RANBP2: variants seen among roughly 807,000 people sequenced by gnomAD.
RANBP2 encodes RAN binding protein 2.
RANBP2 carries 57 observed loss-of-function variants against 303.6 expected under a neutral mutation model. The ratio of observed to expected loss-of-function variants is 0.19; its 90% CI spans 0.15 to 0.23. The LOEUF (loss-of-function observed/expected upper bound fraction) is 0.23. Among genes scored for constraint, RANBP2 ranks in the 10% least tolerant of loss-of-function variants. The pLI, the probability that RANBP2 is intolerant of heterozygous loss-of-function variation, is 1.00. For synonymous variants in RANBP2, 1,167 were observed against 1,301.5 expected (o/e 0.90, Z 2.23); for missense variants, 3,138 against 3,780.8 (o/e 0.83, Z 4.46).
At chr2:109,493,918 C>G in the RANBP2 span, among the ~76,000 whole-genome samples, 2 of 152,222 alleles carry the variant, frequency 1.3e-5, no homozygotes, top group Non-Finnish European at 2.9e-5. Context: ...CCTCCACTTC[C>G]TCCACCTCTC....
the RANBP2 span, among the ~76,000 whole-genome samples, chr2:109,572,653 G>A: frequency 0.2 from 26,050 of 128,886 alleles, 3,015 homozygotes; most frequent in Middle Eastern, 0.42. Flanking sequence ...GTCTCGCTCT[G>A]TCGCCCAGGC....
At chr2:109,416,778 CA>C in the RANBP2 span, among the ~76,000 whole-genome samples, 2 of 151,794 alleles carry the variant, frequency 1.3e-5, no homozygotes, top group African/African-American at 4.8e-5. Flanking sequence ...TGGTATTGTG[CA>C]ACTGTAATCC....
At chr2:109,502,080 C>G in the RANBP2 span, 2 of 187,368 alleles carry the variant, frequency 1.1e-5, no homozygotes, top group African/African-American at 4.6e-5. Context: ...CGCTGGAGAT[C>G]ATCTTTCTGG....
At chr2:108,907,682 GT>G in the RANBP2 span, among the ~76,000 whole-genome samples, 2 of 151,970 alleles carry the variant, frequency 1.3e-5, no homozygotes, top group African/African-American at 4.8e-5. Flanking sequence ...AAACGAAAGG[GT>G]TTTTTTCCCT....
At chr2:109,336,188 A>G in the RANBP2 span, among the ~76,000 whole-genome samples, 2 of 152,216 alleles carry the variant, frequency 1.3e-5, no homozygotes, top group African/African-American at 2.4e-5. Context: ...AAAAATCACC[A>G]CGTGCCTAGA....
At chr2:108,815,548 C>G in the RANBP2 span, among the ~76,000 whole-genome samples, 1 of 142,390 alleles carries the variant, frequency 7.0e-6, no homozygotes, top group Non-Finnish European at 1.5e-5. Flanking sequence ...CTCACTGCAG[C>G]CTCCACCTCC....
the RANBP2 span, among the ~76,000 whole-genome samples, chr2:109,315,619 C>T: frequency 1.8e-4 from 27 of 152,322 alleles, no homozygotes; most frequent in African/African-American, 3.8e-4. Flanking sequence ...TGCACAAGGA[C>T]GTGTGTGTCC....
At chr2:108,967,223 C>A in the RANBP2 span, among the ~76,000 whole-genome samples, 142 of 152,328 alleles carry the variant, frequency 9.3e-4, no homozygotes, top group African/African-American at 3.3e-3. Flanking sequence ...GCATGAGCCA[C>A]TGCACCCGGC....
the RANBP2 span, among the ~76,000 whole-genome samples, chr2:109,332,358 C>T: frequency 5.8e-4 from 88 of 152,240 alleles, no homozygotes; most frequent in African/African-American, 2.0e-3. Flanking sequence ...GCTGCACTTG[C>T]TCCTTCCTTC....
chr2:109,065,359 A>G, the RANBP2 span, among the ~76,000 whole-genome samples: 1 of 152,072 alleles, frequency 6.6e-6, no homozygotes, highest in Non-Finnish European at 1.5e-5. Flanking sequence ...GTTGATTCTG[A>G]CGGCTTTTGC....
At chr2:108,759,570 T>C (rs1676576358) in intron 18 of RANBP2, among the ~76,000 whole-genome samples, 1 of 152,204 alleles carries the variant, frequency 6.6e-6, no homozygotes, top group South Asian at 2.1e-4. Flanking sequence ...ATGGTTCATA[T>C]AGTTAAGGCA....
At chr2:109,157,526 CATT>C in the RANBP2 span, among the ~76,000 whole-genome samples, 1 of 152,158 alleles carries the variant, frequency 6.6e-6, no homozygotes, top group Non-Finnish European at 1.5e-5. Context: ...GAGATAATCT[CATT>C]GGGTCTTCAA....
chr2:109,336,329 C>T, the RANBP2 span, among the ~76,000 whole-genome samples: 16 of 152,142 alleles, frequency 1.1e-4, no homozygotes, highest in Admixed American at 1.0e-3. Context: ...GTTTACAAAG[C>T]CACATTAAAG....
At chr2:109,692,820 C>CTT in the RANBP2 span, among the ~76,000 whole-genome samples, 102 of 139,316 alleles carry the variant, frequency 7.3e-4, 1 homozygote, top group East Asian at 5.2e-3. Context: ...TTCTTTCTTT[C>CTT]TTTTTTTTTT....
At chr2:109,077,734 A>G in the RANBP2 span, among the ~76,000 whole-genome samples, 1 of 150,150 alleles carries the variant, frequency 6.7e-6, no homozygotes, top group East Asian at 1.9e-4. Context: ...ATCATCAGGG[A>G]AATGCAAATC....
chr2:108,969,546 G>A, the RANBP2 span, among the ~76,000 whole-genome samples: 1 of 152,224 alleles, frequency 6.6e-6, no homozygotes, highest in African/African-American at 2.4e-5. Flanking sequence ...ATGCTATTCA[G>A]GGAGGGCTGT....
chr2:109,715,082 T>A, the RANBP2 span, among the ~76,000 whole-genome samples: 1 of 151,754 alleles, frequency 6.6e-6, no homozygotes. Flanking sequence ...ATTCTCCTTC[T>A]TCAGCCTCCC....
the RANBP2 span, among the ~76,000 whole-genome samples, chr2:109,249,203 C>G: frequency 0.24 from 36,921 of 152,144 alleles, 4,921 homozygotes; most frequent in East Asian, 0.46. Context: ...TCGTTAACTT[C>G]AGCTAAGCAA....
the RANBP2 span, among the ~76,000 whole-genome samples, chr2:108,926,401 TTC>T: frequency 6.6e-6 from 1 of 152,190 alleles, no homozygotes; most frequent in African/African-American, 2.4e-5. Flanking sequence ...AGGACTGACT[TTC>T]TCTCAGTCAA....
Sources: gnomAD v4.1 joint callset for allele counts (sites outside exome capture counted in the v4.1 genomes callset) on GRCh38, gnomAD v4.1.1 for gene constraint, MANE v1.5 for transcripts, NCBI Gene and HGNC (gene_info 2026-07-23, HGNC 2026-07-21) for gene names.